Variants in APOB observed in about 807,000 individuals in gnomAD.
APOB encodes the protein apolipoprotein B-100.
APOB carries 153 observed loss-of-function variants against 314.1 expected under a neutral mutation model. That is an observed-to-expected ratio of 0.49 (90% confidence interval 0.43 to 0.56). The LOEUF is 0.56. Ranked by LOEUF, APOB falls within the 20% of genes least tolerant of loss-of-function variation. APOB has a pLI of 0.00. For missense variants in APOB, 5,430 were observed against 5,350.7 expected, an observed-to-expected ratio of 1.01 and a Z score of -0.46; for synonymous variants, 2,087 against 2,036.4, an observed-to-expected ratio of 1.02 and a Z score of -0.67.
intron 4 of APOB, among the ~76,000 whole-genome samples, chr2:21,038,551 GT>G (rs1664060453): frequency 6.6e-6 from 1 of 152,080 alleles, no homozygotes. Context: ...GGCCAGGCTG[GT>G]CTCAAACTCC....
In APOB at chr2:21,037,945, T is replaced by C. The variant is rs1233446824; in HGVS notation, c.537+13A>G. 3 of 1,614,196 alleles carry C rather than the reference T, an allele frequency of 1.9e-6. No individual in the cohort carries two copies. The highest frequency in any genetic ancestry group is 2.5e-6 in the Non-Finnish European group (3 of 1,180,034). On this transcript the variant is annotated intron_variant, in intron 5 of 28. Transcript: ENST00000233242. ...TTTCAAGGGCCACTGCTATCAGCTTTCTAAATCCTCACCAGAAACAACACT... is the reference window on the plus strand; with the variant it reads ...TTTCAAGGGCCACTGCTATCAGCTTCCTAAATCCTCACCAGAAACAACACT...
At chr2:21,021,214 G>C (rs1168662046) in intron 18 of APOB, among the ~76,000 whole-genome samples, 1 of 152,132 alleles carries the variant, frequency 6.6e-6, no homozygotes. Context: ...TTAAAATGAA[G>C]GGCGCCTCCT....
rs887351339 is a variant in APOB at position 21,023,625 on chromosome 2, G to T, written c.2504C>A (p.Ala835Asp). The change falls in exon 17 of 29, where the codon GCC becomes GAC. Residue 835 changes from alanine (A) to aspartate (D), a missense_variant. Around this residue, in one of 3 missense-constraint regions of APOB, gnomAD observed 2,085 missense variants for 2,079.7 expected, o/e 1.00. Transcript: ENST00000233242. ...FFLHYIFMENAFELPTGAGLQ... is the reference protein window; with the variant it reads ...FFLHYIFMENDFELPTGAGLQ... ...TCCAGCTCCAGTGGGGAGTTCAAAG[G>T]CATTCTCCATGAAGATGTAGTGAAG... 6.2e-7 allele frequency: 1 copy of T among 1,614,128 alleles called. No homozygotes were observed. Among genetic ancestry groups the T allele is most frequent in the South Asian group, 1.1e-5 (1 of 91,080 alleles).
rs772244919 is a variant in APOB at position 21,010,027 on chromosome 2, G to A, written c.6841C>T (p.Leu2281=). The change falls in exon 26 of 29, where the codon CTA becomes TTA. Residue 2281 remains leucine (L), a synonymous_variant. Transcript: ENST00000233242. ...ATGTGTTGTTTTAACTTTCCAGCTA[G>A]GTGCTGGATGTCTATATTCTGTATG... ...RHIQNIDIQH[L]AGKLKQHIEA... The A allele has an allele frequency of 5.6e-6, 9 of 1,613,532 alleles. No individual in the cohort carries two copies. Among genetic ancestry groups the A allele is most frequent in the Non-Finnish European group, 6.8e-6 (8 of 1,179,828 alleles).
rs1429915824 is a variant in APOB, at chr2:21,011,913, A to G, written c.4955T>C (p.Ile1652Thr). ...CAAGTTGGTCGTTGCACTGGTAGATATTCCATCTTGGCCAATCCTTAGTGT... is the reference window on the plus strand; with the variant it reads ...CAAGTTGGTCGTTGCACTGGTAGATGTTCCATCTTGGCCAATCCTTAGTGT... ...KATLRIGQDG[I>T]STSATTNLKC... The change falls in exon 26 of 29, where the codon ATA becomes ACA. Residue 1652 changes from isoleucine (I) to threonine (T), a missense_variant. Physicochemically the swap from Ile to Thr is moderately conservative, Grantham distance 89. Transcript: ENST00000233242. 1.2e-5 allele frequency: 20 copies of G among 1,614,022 alleles called. No homozygotes were observed. Among genetic ancestry groups the G allele is most frequent in the Non-Finnish European group, 1.4e-5 (17 of 1,180,030 alleles).
rs2103354778 is a variant in APOB at position 21,008,771 on chromosome 2, C to T, written c.8097G>A (p.Glu2699=). 3.1e-6 allele frequency: 5 copies of T among 1,613,996 alleles called. No homozygotes were observed. Among genetic ancestry groups the T allele is most frequent in the Non-Finnish European group, 4.2e-6 (5 of 1,179,944 alleles). The change falls in exon 26 of 29, where the codon GAG becomes GAA. Residue 2699 remains glutamate (E), a synonymous_variant. Coordinates refer to ENST00000233242, the MANE Select transcript of APOB (RefSeq NM_000384.3). Reference sequence around the variant, plus strand: ...GGGTGATTCTCGCTAGAGGAATGTCCTCCACCTTCAGATCCCTGAGATATA... The same window carrying T: ...GGGTGATTCTCGCTAGAGGAATGTCTTCCACCTTCAGATCCCTGAGATATA... ...PDIYLRDLKV[E]DIPLARITLP...
At chr2:21,035,833 A>C (rs1663989927) in intron 6 of APOB, 125 bp from the exon 7 acceptor site, 3 of 1,003,580 alleles carry the variant, frequency 3.0e-6, no homozygotes, top group Admixed American at 3.9e-5. Context: ...AAAGAAGATA[A>C]CTGGGTACTT....
At position 21,040,908 on chromosome 2, in the gene APOB, A is replaced by G. The variant is rs9282604; in HGVS notation, c.383+30T>C. The G allele has an allele frequency of 5.0e-6, 8 of 1,612,852 alleles. No individual in the cohort carries two copies. In the African/African-American group the frequency reaches 9.3e-5, roughly 19 times the overall value. On this transcript the variant is annotated intron_variant, in intron 4 of 28. Coordinates refer to ENST00000233242, the MANE Select transcript of APOB (RefSeq NM_000384.3). Reference sequence around the variant, plus strand: ...TTCATACCTCAGCGGACACACACACATGCGTGTGCTCATGTACAACATGAC... The same window carrying G: ...TTCATACCTCAGCGGACACACACACGTGCGTGTGCTCATGTACAACATGAC...
At position 21,029,736 on chromosome 2, in the gene APOB, T is replaced by C; in HGVS notation, c.1520A>G (p.Lys507Arg). The change falls in exon 12 of 29, where the codon AAG becomes AGG. Residue 507 changes from lysine to arginine, a missense_variant. This residue lies in a region of APOB where 2,085 missense variants were observed against 2,079.7 expected (regional missense o/e 1.00). Coordinates refer to ENST00000233242, the MANE Select transcript of APOB (RefSeq NM_000384.3). ...TTGGACACATTTCAGGATTGAAGACTTGAGTTCTGGAGTTAACTGCTCCAT... is the reference window on the plus strand; with the variant it reads ...TTGGACACATTTCAGGATTGAAGACCTGAGTTCTGGAGTTAACTGCTCCAT... Reference protein sequence around the residue: ...QTMEQLTPELKSSILKCVQST... With the variant: ...QTMEQLTPELRSSILKCVQST... 1.9e-6 allele frequency: 3 copies of C among 1,614,198 alleles called. No homozygotes were observed. The South Asian group carries it at 3.3e-5, about 18-fold the overall frequency.
chr2:21,023,061 C>G lies in APOB; in HGVS notation c.2605-19G>C, dbSNP rs1025696219. On this transcript the variant is annotated intron_variant, in intron 17 of 28. Coordinates refer to ENST00000233242, the MANE Select transcript of APOB (RefSeq NM_000384.3). Reference sequence around the variant, plus strand: ...CCTGCATCTATAAGTCAGAAAACAACCTATTCAGATTCATTAAATACTTCA... The same window carrying G: ...CCTGCATCTATAAGTCAGAAAACAAGCTATTCAGATTCATTAAATACTTCA... 1 of 1,609,100 alleles carries G rather than the reference C, an allele frequency of 6.2e-7. No homozygotes were observed. The highest frequency in any genetic ancestry group is 8.5e-7 in the Non-Finnish European group (1 of 1,175,646).
rs79448538 is a variant in APOB, at chr2:21,004,364, A to G, written c.11992T>C (p.Ser3998Pro). The G allele has an allele frequency of 1.2e-6, 2 of 1,613,894 alleles. No individual in the cohort carries two copies. Among genetic ancestry groups the G allele is most frequent in the Non-Finnish European group, 1.7e-6 (2 of 1,179,906 alleles). Residue 3998 changes from serine (S) to proline (P), a missense_variant, in exon 28 of 29, where the codon TCC becomes CCC. By Grantham distance (74) the Ser-to-Pro change is moderately conservative. Around this residue, in one of 3 missense-constraint regions of APOB, gnomAD observed 3,281 missense variants for 3,171.0 expected, o/e 1.03. Coordinates refer to ENST00000233242, the MANE Select transcript of APOB (RefSeq NM_000384.3). ...ACGGCTGGGGAGGCTGCTGAGGTGG[A>G]GATGCCTTTCTTGTCTTTCTGGTAG... is the stretch of plus-strand genomic sequence containing the variant. The part of the protein sequence containing the change: ...LRYQKDKKGI[S>P]TSAASPAVGT...
At chr2:21,029,493 GAGGAAGGA>G (rs67556837) in intron 12 of APOB, 138 bp downstream of exon 12, 23,738 of 802,730 alleles carry the variant, frequency 0.03, 421 homozygotes, top group Non-Finnish European at 0.037. Context: ...GGGAGGGAGG[GAGGAAGGA>G]AGGAAGGAAG....
chr2:21,019,188 C>T, intron 19 of APOB, 75 bp from the exon 20 acceptor site: 1 of 1,590,708 alleles, frequency 6.3e-7, no homozygotes, highest in South Asian at 1.1e-5. Context: ...CAAAACAATT[C>T]AGCCTCAAAT....
chr2:21,009,696 T>G lies in APOB; in HGVS notation c.7172A>C (p.Glu2391Ala). The change falls in exon 26 of 29, where the codon GAG becomes GCG. Residue 2391 changes from glutamate to alanine, a missense_variant. Coordinates refer to ENST00000233242, the MANE Select transcript of APOB (RefSeq NM_000384.3). ...LQQVKIKDYF[E>A]KLVGFIDDAV... ...ATCATCAATAAATCCAACCAATTTC[T>G]CAAAGTAATCTTTTATCTTAACTTG... is the stretch of plus-strand genomic sequence containing the variant. 6.2e-7 allele frequency: 1 copy of G among 1,613,410 alleles called. No individual in the cohort carries two copies. The highest frequency in any genetic ancestry group is 1.1e-5 in the South Asian group (1 of 90,990).
At position 21,027,867 on chromosome 2, in the gene APOB, G is replaced by T; in HGVS notation, c.2028C>A (p.Thr676=). 1 of 1,614,022 alleles carries T rather than the reference G, an allele frequency of 6.2e-7. No individual in the cohort carries two copies. Among genetic ancestry groups the T allele is most frequent in the Non-Finnish European group, 8.5e-7 (1 of 1,179,952 alleles). Residue 676 remains threonine, a synonymous_variant, in exon 14 of 29, where the codon ACC becomes ACA. Coordinates refer to ENST00000233242, the MANE Select transcript of APOB (RefSeq NM_000384.3). ...YLPKESMLKT[T]LTAFGFASAD... ...CTGAAGCAAATCCAAAGGCAGTGAG[G>T]GTAGTTTTCAGCATGCTTTCTTTAG... is the stretch of plus-strand genomic sequence containing the variant.
At chr2:21,003,671 A>G (rs1663056855) in intron 28 of APOB, among the ~76,000 whole-genome samples, 1 of 152,210 alleles carries the variant, frequency 6.6e-6, no homozygotes, top group Non-Finnish European at 1.5e-5. Flanking sequence ...AAGAAGAGTC[A>G]GGAAATGACA....
chr2:21,006,603 T>G lies in APOB; in HGVS notation c.10265A>C (p.Glu3422Ala). 1 of 1,614,072 alleles carries G rather than the reference T, an allele frequency of 6.2e-7. No homozygotes were observed. Among genetic ancestry groups the G allele is most frequent in the Non-Finnish European group, 8.5e-7 (1 of 1,179,960 alleles). ...STVSLTTKNMEVSVATTTKAQ... is the reference protein window; with the variant it reads ...STVSLTTKNMAVSVATTTKAQ... ...TTTTGTGGTTGTTGCCACTGACACT[T>G]CCATATTTTTCGTGGTTAAGCTCAC... Residue 3422 changes from glutamate to alanine, a missense_variant, in exon 26 of 29, where the codon GAA becomes GCA. Physicochemically the swap from Glu to Ala is moderately radical, Grantham distance 107. Transcript: ENST00000233242.
At chr2:21,029,298 A>G (rs1173839842) in intron 12 of APOB, among the ~76,000 whole-genome samples, 2 of 152,212 alleles carry the variant, frequency 1.3e-5, no homozygotes, top group Admixed American at 1.3e-4. Context: ...AAAAAATACA[A>G]AAATTAGCTG....
Position 21,032,589 on chromosome 2 carries a change from G to T in APOB, c.1125-8C>A, listed in dbSNP as rs367731815. On this transcript the variant is annotated splice_polypyrimidine_tract_variant and splice_region_variant and intron_variant, in intron 9 of 28. Transcript: ENST00000233242. ...GCTTGTAAAGTGATGGGGCTGAGAA[G>T]AAAGACATGGATAAAGTTATACAGA... 1.3e-5 allele frequency: 21 copies of T among 1,609,370 alleles called. No homozygotes were observed. Among genetic ancestry groups the T allele is most frequent in the Non-Finnish European group, 1.5e-5 (18 of 1,175,896 alleles).
Sources: allele counts gnomAD v4.1 joint callset (sites outside exome capture counted in the v4.1 genomes callset), GRCh38; gene constraint gnomAD v4.1.1; regional missense constraint gnomAD v4.1.1; transcripts MANE v1.5; gene names NCBI Gene and HGNC (gene_info 2026-07-23, HGNC 2026-07-21).